The following PTGER3 variants were observed in gnomAD, a reference collection of about 807,000 sequenced individuals.
PTGER3 encodes the protein prostaglandin E2 receptor EP3 subtype.
Under a neutral mutation model 34.7 loss-of-function variants are expected in PTGER3, and 22 were observed. The ratio of observed to expected loss-of-function variants is 0.63; its 90% CI spans 0.45 to 0.91. The LOEUF (loss-of-function observed/expected upper bound fraction) is 0.91, where lower values mean the gene tolerates loss of function less well. Among genes scored for constraint, PTGER3 ranks in the 40% least tolerant of loss-of-function variants. The pLI is 0.00. For synonymous variants in PTGER3, 241 were observed against 230.1 expected, an observed-to-expected ratio of 1.05 and a Z score of -0.43; for missense variants, 468 against 519.4, an observed-to-expected ratio of 0.90 and a Z score of 0.96.
chr1:70,931,065 TAAATAC>T (rs973765189), intron 4 of PTGER3, among the ~76,000 whole-genome samples: 10 of 152,242 alleles, frequency 6.6e-5, no homozygotes, highest in African/African-American at 2.4e-4. Flanking sequence ...AGGTATTGGG[TAAATAC>T]AGCCATTCCA....
intron 2 of PTGER3, among the ~76,000 whole-genome samples, chr1:70,980,831 A>G (rs1654184969): frequency 6.6e-6 from 1 of 152,092 alleles, no homozygotes; most frequent in South Asian, 2.1e-4. Context: ...AGGGGCAACT[A>G]CAGGTCGCCT....
intron 4 of PTGER3, among the ~76,000 whole-genome samples, chr1:70,942,518 T>A (rs1649852927): frequency 6.6e-6 from 1 of 152,172 alleles, no homozygotes; most frequent in Non-Finnish European, 1.5e-5. Context: ...TAAGCAATGC[T>A]CACTCTTGCA....
At chr1:70,948,408 T>G (rs1407550456), downstream of PTGER3, among the ~76,000 whole-genome samples, 1 of 152,122 alleles carries the variant, frequency 6.6e-6, no homozygotes, top group Non-Finnish European at 1.5e-5. Context: ...CCTTCCACCA[T>G]TAACTGTAAG....
At position 70,865,600 on chromosome 1, in the gene PTGER3, T is replaced by C. The variant is rs1646024182; in HGVS notation, c.*24-12741A>G. On this transcript the variant is annotated intron_variant, in intron 4 of 4. Transcript: ENST00000370931. The stretch of plus-strand genomic sequence containing the variant: ...GTGGGACAACAGAGATGAAAGATGG[T>C]AAGTTATTTTTGGAGCATGTTTCAT... 9 of 1,264,246 alleles carry C rather than the reference T, an allele frequency of 7.1e-6. No individual in the cohort carries two copies. In the Admixed American group the frequency reaches 1.5e-4, roughly 21 times the overall value. The allele number at this position is 1,264,246 out of a possible 1,614,324, so 78.3% of individuals were successfully genotyped here. A position where few individuals can be genotyped will look rare whatever the true frequency, so the allele number is the denominator to read the frequency against.
chr1:70,924,188 A>AT (rs933998908), intron 4 of PTGER3, among the ~76,000 whole-genome samples: 5 of 152,136 alleles, frequency 3.3e-5, no homozygotes, highest in South Asian at 2.1e-4. Context: ...TTTATCTAAG[A>AT]TTTTTTCTAT....
Position 70,984,342 on chromosome 1 carries a change from A to G in PTGER3, c.1078-9954T>C, listed in dbSNP as rs547612801. Among the ~76,000 whole-genome samples, 3 of 151,850 alleles carry G rather than the reference A, an allele frequency of 2.0e-5. No individual in the cohort carries two copies. The South Asian group carries it at 6.2e-4, about 32-fold the overall frequency. Reference sequence around the variant, plus strand: ...ATGGAGATTGCAGTGAGCCAAGATCATACCACTGCACTCCAGCCTGGGCAG... The same window carrying G: ...ATGGAGATTGCAGTGAGCCAAGATCGTACCACTGCACTCCAGCCTGGGCAG... On this transcript the variant is annotated intron_variant, in intron 2 of 3. Transcript: ENST00000306666.
chr1:71,025,287 G>A (rs866771850), intron 1 of PTGER3, among the ~76,000 whole-genome samples: 1 of 151,702 alleles, frequency 6.6e-6, no homozygotes, highest in South Asian at 2.1e-4. Flanking sequence ...TAAGTGGAAC[G>A]TTCTGGTGTT....
chr1:70,904,014 G>A (rs1347717925), intron 4 of PTGER3, among the ~76,000 whole-genome samples: 2 of 152,186 alleles, frequency 1.3e-5, no homozygotes, highest in Non-Finnish European at 2.9e-5. Flanking sequence ...AACCCAGTGG[G>A]AGGTGATTGA....
chr1:71,002,444 T>C (rs1656579438), intron 2 of PTGER3, among the ~76,000 whole-genome samples: 1 of 152,232 alleles, frequency 6.6e-6, no homozygotes, highest in African/African-American at 2.4e-5. Flanking sequence ...CATTTTCTCT[T>C]TCATTATGAC....
intron 1 of PTGER3, among the ~76,000 whole-genome samples, chr1:71,027,272 T>C (rs1051586930): frequency 6.6e-6 from 1 of 152,028 alleles, no homozygotes; most frequent in Non-Finnish European, 1.5e-5. Context: ...GGTTCAAGGG[T>C]TCCTCCCTAG....
intron 2 of PTGER3, chr1:71,011,814 C>A (rs1557739022): frequency 1.0e-6 from 1 of 996,092 alleles, no homozygotes; most frequent in East Asian, 1.1e-4. Flanking sequence ...GAGAACACAG[C>A]AATGTCTTTG....
intron 4 of PTGER3, chr1:70,886,148 A>T: frequency 7.0e-6 from 2 of 286,014 alleles, no homozygotes; most frequent in South Asian, 5.6e-5. Context: ...TGAAGGTGAG[A>T]CCCACATAAT....
chr1:71,033,037 G>T (rs1466737300), intron 1 of PTGER3, among the ~76,000 whole-genome samples: 2 of 152,108 alleles, frequency 1.3e-5, no homozygotes, highest in African/African-American at 4.8e-5. Context: ...TCTGATTCAT[G>T]TCTCAGAAAA....
At chr1:71,043,652 A>T (rs74440022) in intron 1 of PTGER3, among the ~76,000 whole-genome samples, 13,859 of 152,210 alleles carry the variant, frequency 0.091, 783 homozygotes, top group African/African-American at 0.14. Context: ...AACAGCGTTA[A>T]TCTCTCATTT....
intron 1 of PTGER3, among the ~76,000 whole-genome samples, chr1:71,031,094 GT>G (rs1461019231): frequency 3.3e-5 from 5 of 152,076 alleles, no homozygotes; most frequent in Non-Finnish European, 5.9e-5. Context: ...ATTAAATTAG[GT>G]AATATATGGA....
chr1:70,964,934 G>A (rs926781911), intron 2 of PTGER3, among the ~76,000 whole-genome samples: 3 of 152,180 alleles, frequency 2.0e-5, no homozygotes, highest in Admixed American at 6.5e-5. Flanking sequence ...ATCTTGGATA[G>A]CAAAGAAGAT....
Position 71,040,120 on chromosome 1 carries a change from A to G in PTGER3, c.897+6561T>C, listed in dbSNP as rs533964652. On this transcript the variant is annotated intron_variant, in intron 1 of 3. Transcript: ENST00000306666. ...AGAAGGAAAGAAAGAAAGAAAGAAAAAAAAGAAAGAGAAAGAGAGAAAGAA... is the reference window on the plus strand; with the variant it reads ...AGAAGGAAAGAAAGAAAGAAAGAAAGAAAAGAAAGAGAAAGAGAGAAAGAA... Among the ~76,000 whole-genome samples, 30 of 151,690 alleles carry G rather than the reference A, an allele frequency of 2.0e-4. 1 individual carries two copies. Among genetic ancestry groups the G allele is most frequent in the Admixed American group, 1.1e-3 (16 of 15,236 alleles).
chr1:70,907,475 A>G (rs1454426302), intron 4 of PTGER3, among the ~76,000 whole-genome samples: 2 of 152,240 alleles, frequency 1.3e-5, no homozygotes, highest in Non-Finnish European at 2.9e-5. Context: ...GCCATTCAAA[A>G]AGCAGCTTTT....
downstream of PTGER3, among the ~76,000 whole-genome samples, chr1:70,965,835 T>C (rs995095264): frequency 6.6e-6 from 1 of 152,306 alleles, no homozygotes; most frequent in Admixed American, 6.5e-5. Context: ...TCCAGGACCA[T>C]AGGATTTCAG....
Sources: gnomAD v4.1 joint callset for allele counts (sites outside exome capture counted in the v4.1 genomes callset) on GRCh38, gnomAD v4.1.1 for gene constraint, MANE v1.5 for transcripts, NCBI Gene and HGNC (gene_info 2026-07-23, HGNC 2026-07-21) for gene names.